LRTM1: variants seen among roughly 807,000 people sequenced by gnomAD.
LRTM1 encodes the protein leucine-rich repeat and transmembrane domain-containing protein 1.
A neutral mutation model predicts 32.4 loss-of-function variants in LRTM1; 38 were observed. That is an observed-to-expected ratio of 1.17 (90% CI 0.91 to 1.54). The LOEUF is 1.54. Among genes scored for constraint, LRTM1 ranks in the 40% most tolerant of loss-of-function variants. The pLI, the probability that LRTM1 is intolerant of heterozygous loss-of-function variation, is 0.00. For missense variants in LRTM1, 466 were observed against 415.4 expected, an observed-to-expected ratio of 1.12 and a Z score of -1.06; for synonymous variants, 186 against 169.9, an observed-to-expected ratio of 1.09 and a Z score of -0.74.
chr3:54,952,438 C>G (rs1043018450), intron 1 of LRTM1, among the ~76,000 whole-genome samples: 1 of 152,042 alleles, frequency 6.6e-6, no homozygotes, highest in South Asian at 2.1e-4. Context: ...TTTTTGGGCT[C>G]TCAGAGACAG....
chr3:54,929,072 C>A (rs553355380), upstream of LRTM1, among the ~76,000 whole-genome samples: 2 of 152,270 alleles, frequency 1.3e-5, no homozygotes, highest in East Asian at 1.9e-4. Flanking sequence ...CAATCCTTGG[C>A]TCCAGGAGGT....
chr3:54,948,410 G>T (rs1701669961), intron 1 of LRTM1, among the ~76,000 whole-genome samples: 1 of 152,200 alleles, frequency 6.6e-6, no homozygotes, highest in Non-Finnish European at 1.5e-5. Context: ...CCCTTCATGG[G>T]CATATATGTG....
intron 2 of LRTM1, among the ~76,000 whole-genome samples, chr3:54,919,934 A>C (rs1700787297): frequency 6.6e-6 from 1 of 152,088 alleles, no homozygotes; most frequent in South Asian, 2.1e-4. Context: ...TCCTCTCAGG[A>C]GCGTTGTGAG....
rs1700975338 is a variant in LRTM1, at chr3:54,925,106, C to A, written c.117G>T (p.Gln39His). Reference sequence around the variant, plus strand: ...AATGGGAAGGGATTTCGGCCAGACCCTGCTGGCTGCAGTCTACAAAATTTG... The same window carrying A: ...AATGGGAAGGGATTTCGGCCAGACCATGCTGGCTGCAGTCTACAAAATTTG... The part of the protein sequence containing the change: ...SSTNFVDCSQ[Q>H]GLAEIPSHLP... The change falls in exon 2 of 3, where the codon CAG becomes CAT. Residue 39 changes from glutamine to histidine, a missense_variant. By Grantham distance (24) the Gln-to-His change is conservative. Coordinates refer to ENST00000273286, the MANE Select transcript of LRTM1 (RefSeq NM_020678.4). 6.2e-7 allele frequency: 1 copy of A among 1,614,102 alleles called. No individual in the cohort carries two copies. The highest frequency in any genetic ancestry group is 2.2e-5 in the East Asian group (1 of 44,856).
intron 1 of LRTM1, among the ~76,000 whole-genome samples, chr3:54,926,901 T>G (rs1701038979): frequency 6.6e-6 from 1 of 152,028 alleles, no homozygotes; most frequent in Admixed American, 6.5e-5. Context: ...AGAGAGGAGA[T>G]TAAGTTCACA....
At chr3:54,956,342 G>C (rs1278120882) in intron 1 of LRTM1, among the ~76,000 whole-genome samples, 3 of 152,236 alleles carry the variant, frequency 2.0e-5, no homozygotes, top group Non-Finnish European at 2.9e-5. Flanking sequence ...TCCGGGAAAA[G>C]AAAGTGATGG....
intron 1 of LRTM1, among the ~76,000 whole-genome samples, chr3:54,941,385 C>G (rs1487689057): frequency 6.6e-6 from 1 of 152,158 alleles, no homozygotes; most frequent in African/African-American, 2.4e-5. Context: ...AGTATTCTTA[C>G]ACATGCAGAA....
intron 1 of LRTM1, among the ~76,000 whole-genome samples, chr3:54,964,838 G>C (rs766203250): frequency 2.3e-4 from 34 of 150,608 alleles, no homozygotes; most frequent in Non-Finnish European, 3.8e-4. Context: ...TTGTTGCCTT[G>C]TTTTTTGCAC....
chr3:54,946,966 C>G (rs1701632078), intron 1 of LRTM1, among the ~76,000 whole-genome samples: 1 of 152,092 alleles, frequency 6.6e-6, no homozygotes, highest in Non-Finnish European at 1.5e-5. Flanking sequence ...CTGCCTGTGA[C>G]CATAGTGCAT....
rs548409829 is a variant in LRTM1, at chr3:54,934,879, A to G, written c.-221-9664T>C. Among the ~76,000 whole-genome samples the G allele has an allele frequency of 2.0e-5, 3 of 152,118 alleles. 1 individual carries two copies. In the South Asian group the frequency reaches 6.2e-4, roughly 32 times the overall value. ...CCCGAGTAGCTGGGATTACAGGCAC[A>G]CACCACCACACCCCGCTAATTTCTG... On this transcript the variant is annotated intron_variant, in intron 1 of 2. Coordinates refer to the LRTM1 transcript ENST00000493075.
intron 1 of LRTM1, among the ~76,000 whole-genome samples, chr3:54,960,239 T>C (rs1360534687): frequency 6.6e-6 from 1 of 152,266 alleles, no homozygotes; most frequent in East Asian, 1.9e-4. Context: ...TGCGGCCTTG[T>C]CAATGGTGTG....
At chr3:54,941,158 T>G (rs1004461174) in intron 1 of LRTM1, among the ~76,000 whole-genome samples, 2 of 152,232 alleles carry the variant, frequency 1.3e-5, no homozygotes, top group Non-Finnish European at 2.9e-5. Flanking sequence ...CCAGTTAAAG[T>G]AACTTAAACA....
intron 1 of LRTM1, among the ~76,000 whole-genome samples, chr3:54,949,272 A>G (rs1400446096): frequency 1.3e-5 from 2 of 152,178 alleles, no homozygotes; most frequent in Admixed American, 1.3e-4. Context: ...CACATGCCAC[A>G]TGGACTGGAA....
intron 1 of LRTM1, among the ~76,000 whole-genome samples, chr3:54,960,840 A>G (rs963843736): frequency 6.6e-6 from 1 of 152,226 alleles, no homozygotes; most frequent in Non-Finnish European, 1.5e-5. Flanking sequence ...GTTATGTCCT[A>G]ATTCACATTG....
chr3:54,949,693 G>A (rs1701707302), intron 1 of LRTM1, among the ~76,000 whole-genome samples: 1 of 152,188 alleles, frequency 6.6e-6, no homozygotes, highest in South Asian at 2.1e-4. Flanking sequence ...AACATCGTTG[G>A]TCAGGGCCTC....
chr3:54,954,876 A>G (rs1701843162), intron 1 of LRTM1, among the ~76,000 whole-genome samples: 2 of 152,220 alleles, frequency 1.3e-5, no homozygotes, highest in South Asian at 4.1e-4. Context: ...GTTATTTCTC[A>G]GAGACAGCAT....
At chr3:54,928,189 G>C, upstream of LRTM1, 1 of 485,524 alleles carries the variant, frequency 2.1e-6, no homozygotes, top group Non-Finnish European at 3.6e-6. Context: ...GCCTCCCCAG[G>C]ATCATCCCTG....
intron 1 of LRTM1, among the ~76,000 whole-genome samples, chr3:54,934,833 G>C (rs1306678909): frequency 6.6e-6 from 1 of 152,164 alleles, no homozygotes; most frequent in African/African-American, 2.4e-5. Flanking sequence ...CAAGGTTCAA[G>C]TGATTCTCAT....
In LRTM1 at chr3:54,924,615, T is replaced by A. The variant is rs1325028839; in HGVS notation, c.604+4A>T. ...ATGGGGGGTTCCAAATAGACATGACTGACCTTTATAGACAAATTTCTCCAG... is the reference window on the plus strand; with the variant it reads ...ATGGGGGGTTCCAAATAGACATGACAGACCTTTATAGACAAATTTCTCCAG... On this transcript the variant is annotated splice_donor_region_variant and intron_variant, in intron 2 of 2. Coordinates refer to ENST00000273286, the MANE Select transcript of LRTM1 (RefSeq NM_020678.4). The A allele has an allele frequency of 6.2e-7, 1 of 1,609,860 alleles. No homozygotes were observed. The highest frequency in any genetic ancestry group is 2.2e-5 in the East Asian group (1 of 44,846).
Sources: gnomAD v4.1 joint callset for allele counts (sites outside exome capture counted in the v4.1 genomes callset) on GRCh38, gnomAD v4.1.1 for gene constraint, MANE v1.5 for transcripts, NCBI Gene and HGNC (gene_info 2026-07-23, HGNC 2026-07-21) for gene names.